Variants in NCKAP5 observed in about 807,000 individuals in gnomAD.
The protein encoded by NCKAP5 is nck-associated protein 5.
NCKAP5 carries 92 observed loss-of-function variants against 167.0 expected under a neutral mutation model. The observed-to-expected ratio is 0.55, with a 90% CI of 0.47 to 0.66. The LOEUF (loss-of-function observed/expected upper bound fraction) is 0.66, where lower values mean the gene tolerates loss of function less well. NCKAP5 is among the 30% of genes least tolerant of loss of function. The probability of loss-of-function intolerance (pLI) is 0.00; values close to 1 mark genes in which losing one functional copy is unlikely to be tolerated. For missense variants in NCKAP5, 2,378 were observed against 2,315.0 expected (o/e 1.03, Z -0.56); for synonymous variants, 891 against 877.4 (o/e 1.02, Z -0.27).
In NCKAP5 at chr2:133,067,739, A is replaced by T. The variant is rs537599844; in HGVS notation, c.341+62239T>A. On this transcript the variant is annotated intron_variant, in intron 6 of 19. Transcript: ENST00000409261. ...GAGAAGGCAAGCTGCATTAGAGAACATCATTTTGGATTTTGTTCATTGAGG... is the reference window on the plus strand; with the variant it reads ...GAGAAGGCAAGCTGCATTAGAGAACTTCATTTTGGATTTTGTTCATTGAGG... Among the ~76,000 whole-genome samples, 45 of 152,278 alleles carry T rather than the reference A, an allele frequency of 3.0e-4. No individual in the cohort carries two copies. The South Asian group carries it at 8.3e-3, about 28-fold the overall frequency.
At chr2:133,430,163 T>C (rs1447383532) in intron 3 of NCKAP5, among the ~76,000 whole-genome samples, 1 of 152,054 alleles carries the variant, frequency 6.6e-6, no homozygotes, top group Admixed American at 6.6e-5. Flanking sequence ...TCTTGATTTT[T>C]TAATTTTTGT....
chr2:133,095,900 A>T (rs533278779), intron 6 of NCKAP5, among the ~76,000 whole-genome samples: 17 of 152,196 alleles, frequency 1.1e-4, no homozygotes, highest in African/African-American at 3.9e-4. Flanking sequence ...CAAACAAACC[A>T]CTGTGAGTAC....
At chr2:133,113,206 T>TG (rs1174110744) in intron 6 of NCKAP5, among the ~76,000 whole-genome samples, 14 of 151,786 alleles carry the variant, frequency 9.2e-5, no homozygotes, top group Non-Finnish European at 1.8e-4. Flanking sequence ...ATTGGAGTTT[T>TG]TTTTTTTTTT....
At chr2:133,064,679 TG>T (rs2080127452) in intron 6 of NCKAP5, among the ~76,000 whole-genome samples, 1 of 152,204 alleles carries the variant, frequency 6.6e-6, no homozygotes, top group Admixed American at 6.5e-5. Context: ...ATCGTTGCTC[TG>T]GGTGGGGATA....
intron 6 of NCKAP5, among the ~76,000 whole-genome samples, chr2:133,054,731 C>A (rs2079733748): frequency 6.6e-6 from 1 of 152,152 alleles, no homozygotes; most frequent in African/African-American, 2.4e-5. Flanking sequence ...AGTATCCTCA[C>A]ATGGTAGAAT....
At chr2:133,044,870 C>T (rs900090137) in intron 6 of NCKAP5, among the ~76,000 whole-genome samples, 1 of 151,876 alleles carries the variant, frequency 6.6e-6, no homozygotes, top group South Asian at 2.1e-4. Context: ...AGCACAGGAA[C>T]AAAATGTCAC....
intron 8 of NCKAP5, among the ~76,000 whole-genome samples, chr2:132,945,367 C>T (rs761549736): frequency 6.6e-6 from 1 of 152,108 alleles, no homozygotes. Flanking sequence ...GAAGACAGGA[C>T]AGATGAACAA....
At chr2:132,735,794 C>T (rs1412616597) in intron 16 of NCKAP5, among the ~76,000 whole-genome samples, 1 of 152,122 alleles carries the variant, frequency 6.6e-6, no homozygotes, top group African/African-American at 2.4e-5. Context: ...AGCTCATACA[C>T]GTTTGTCTAA....
At chr2:132,957,830 TG>T (rs1423100451) in intron 8 of NCKAP5, among the ~76,000 whole-genome samples, 1 of 152,210 alleles carries the variant, frequency 6.6e-6, no homozygotes, top group African/African-American at 2.4e-5. Flanking sequence ...GAAGGAATGC[TG>T]CAAGCAGAGG....
At chr2:133,497,655 C>G (rs1293281341) in intron 3 of NCKAP5, among the ~76,000 whole-genome samples, 2 of 152,188 alleles carry the variant, frequency 1.3e-5, no homozygotes, top group Non-Finnish European at 2.9e-5. Context: ...CTGCTTCAAA[C>G]AGAAGCGGAT....
intron 5 of NCKAP5, among the ~76,000 whole-genome samples, chr2:133,174,332 T>G (rs1249662430): frequency 1.3e-5 from 2 of 152,198 alleles, no homozygotes; most frequent in Non-Finnish European, 2.9e-5. Flanking sequence ...ATACTAGGGA[T>G]GTTTATCTTG....
At chr2:133,396,147 T>C (rs1687717663) in intron 3 of NCKAP5, among the ~76,000 whole-genome samples, 1 of 152,100 alleles carries the variant, frequency 6.6e-6, no homozygotes, top group African/African-American at 2.4e-5. Flanking sequence ...GCTTGGAGTT[T>C]AATCAAGGTA....
chr2:133,498,484 C>A (rs11685371), intron 3 of NCKAP5, among the ~76,000 whole-genome samples: 6,620 of 51,490 alleles, frequency 0.13, 158 homozygotes, highest in Non-Finnish European at 0.19. Context: ...GGAAGGAAGG[C>A]AGGCAGGCAG....
intron 5 of NCKAP5, among the ~76,000 whole-genome samples, chr2:133,200,706 T>A (rs2150119972): frequency 6.6e-6 from 1 of 152,278 alleles, no homozygotes; most frequent in Non-Finnish European, 1.5e-5. Flanking sequence ...TATTTGCCAA[T>A]CATTTCTCGT....
intron 16 of NCKAP5, among the ~76,000 whole-genome samples, chr2:132,763,991 G>A (rs1191696251): frequency 6.6e-6 from 1 of 152,046 alleles, no homozygotes; most frequent in Non-Finnish European, 1.5e-5. Flanking sequence ...TTTTACAGGA[G>A]TGAAAAAAAT....
rs115101551 is a variant in NCKAP5 at position 133,170,154 on chromosome 2, G to T, written c.208-40043C>A. Reference sequence around the variant, plus strand: ...GAAGGATGGGCATTTTAAAAGAGATGATATTAGAGGAAATGTTTAATTTCA... The same window carrying T: ...GAAGGATGGGCATTTTAAAAGAGATTATATTAGAGGAAATGTTTAATTTCA... On this transcript the variant is annotated intron_variant, in intron 5 of 19. Transcript: ENST00000409261. 9.0e-3 allele frequency among the ~76,000 whole-genome samples: 1,370 copies of T among 152,296 alleles called. 24 individuals carry two copies. Among genetic ancestry groups the T allele is most frequent in the African/African-American group, 0.032 (1,324 of 41,550 alleles).
intron 5 of NCKAP5, among the ~76,000 whole-genome samples, chr2:133,149,861 T>C (rs1459028521): frequency 6.6e-5 from 10 of 152,140 alleles, no homozygotes; most frequent in Non-Finnish European, 1.5e-4. Flanking sequence ...GTTCAAAGTA[T>C]AAATTAACTG....
At chr2:132,720,922 A>C (rs1312843018) in intron 19 of NCKAP5, among the ~76,000 whole-genome samples, 4 of 152,084 alleles carry the variant, frequency 2.6e-5, no homozygotes, top group Non-Finnish European at 5.9e-5. Flanking sequence ...GAAGCAGGAG[A>C]ACTGCTTGAA....
intron 3 of NCKAP5, among the ~76,000 whole-genome samples, chr2:133,467,743 G>T (rs912381873): frequency 1.4e-5 from 2 of 146,408 alleles, no homozygotes; most frequent in Non-Finnish European, 3.0e-5. Flanking sequence ...TCTTGGGAGA[G>T]TGTATGTGTC....
Sources: gnomAD v4.1 joint callset for allele counts (sites outside exome capture counted in the v4.1 genomes callset) on GRCh38, gnomAD v4.1.1 for gene constraint, MANE v1.5 for transcripts, NCBI Gene and HGNC (gene_info 2026-07-23, HGNC 2026-07-21) for gene names.